The following LRRC8C variants were observed in gnomAD, a reference collection of about 807,000 sequenced individuals.
LRRC8C encodes the protein volume-regulated anion channel subunit LRRC8C.
A neutral mutation model predicts 55.3 loss-of-function variants in LRRC8C; 20 were observed. That is an observed-to-expected ratio of 0.36 (90% CI 0.25 to 0.53). The LOEUF (loss-of-function observed/expected upper bound fraction) is 0.53, where lower values mean the gene tolerates loss of function less well. Among genes scored for constraint, LRRC8C ranks in the 20% least tolerant of loss-of-function variants. The probability of loss-of-function intolerance (pLI) is 0.92; values close to 1 mark genes in which losing one functional copy is unlikely to be tolerated. For synonymous variants in LRRC8C, 376 were observed against 360.7 expected (o/e 1.04, Z -0.48); for missense variants, 659 against 951.4 (o/e 0.69, Z 4.04).
chr1:89,713,130 A>G lies in LRRC8C; in HGVS notation c.560A>G (p.Asp187Gly). ...EVSGEDSEEK[D>G]NRKNNMNRSN... Reference sequence around the variant, plus strand: ...TCTGGGGAGGACTCAGAAGAAAAGGACAACAGGAAGAACAACATGAACAGG... The same window carrying G: ...TCTGGGGAGGACTCAGAAGAAAAGGGCAACAGGAAGAACAACATGAACAGG... The change falls in exon 3 of 3, where the codon GAC (aspartate) becomes GGC (glycine). Residue 187 changes from aspartate (D) to glycine (G), a missense_variant. By Grantham distance (94) the Asp-to-Gly change is moderately conservative. This residue lies in a region of LRRC8C where 200 missense variants were observed against 360.5 expected (regional missense o/e 0.55). Coordinates refer to ENST00000370454, the MANE Select transcript of LRRC8C (RefSeq NM_032270.5). This position sits in a 1 kb window ranked among gnomAD's most constrained non-coding sequence, Gnocchi z 5.2. 6.2e-7 allele frequency: 1 copy of G among 1,614,204 alleles called. No homozygotes were observed. The highest frequency in any genetic ancestry group is 8.5e-7 in the Non-Finnish European group (1 of 1,180,036).
At chr1:89,710,622 C>A (rs1329690803) in intron 2 of LRRC8C, among the ~76,000 whole-genome samples, 1 of 152,190 alleles carries the variant, frequency 6.6e-6, no homozygotes, top group South Asian at 2.1e-4. Context: ...GTTGTTCTTA[C>A]CTGCATTCTT....
chr1:89,708,298 A>G (rs1443978085), intron 2 of LRRC8C, among the ~76,000 whole-genome samples: 2 of 152,134 alleles, frequency 1.3e-5, no homozygotes, highest in Admixed American at 1.3e-4. Context: ...GCGGTTGGGC[A>G]CTTTCTCCCT....
chr1:89,673,061 C>G (rs1455953864), intron 1 of LRRC8C, among the ~76,000 whole-genome samples: 1 of 152,180 alleles, frequency 6.6e-6, no homozygotes, highest in Non-Finnish European at 1.5e-5. Flanking sequence ...CCAAAGATCT[C>G]TCTTCTTTGA....
chr1:89,681,034 A>G (rs1255693813), intron 1 of LRRC8C, among the ~76,000 whole-genome samples: 1 of 152,250 alleles, frequency 6.6e-6, no homozygotes, highest in Non-Finnish European at 1.5e-5. Context: ...CCTTTGTAGC[A>G]AGTTGAAAAT....
intron 2 of LRRC8C, among the ~76,000 whole-genome samples, chr1:89,707,053 A>G (rs1431355222): frequency 6.6e-6 from 1 of 152,070 alleles, no homozygotes; most frequent in Non-Finnish European, 1.5e-5. Context: ...TTCTCCAAGG[A>G]CTTTAATTGG....
intron 2 of LRRC8C, among the ~76,000 whole-genome samples, chr1:89,689,702 A>G (rs943000454): frequency 2.6e-5 from 4 of 152,140 alleles, no homozygotes; most frequent in African/African-American, 9.7e-5. Context: ...ACACTTTGGG[A>G]GACCGAGGTG....
At chr1:89,640,056 A>G (rs1656411828) in intron 1 of LRRC8C, among the ~76,000 whole-genome samples, 1 of 152,174 alleles carries the variant, frequency 6.6e-6, no homozygotes, top group Non-Finnish European at 1.5e-5. Flanking sequence ...ACATCTTGTC[A>G]GTTCTCCTTA....
At chr1:89,624,629 C>T in the LRRC8C span, among the ~76,000 whole-genome samples, 1 of 152,200 alleles carries the variant, frequency 6.6e-6, no homozygotes, top group Non-Finnish European at 1.5e-5. Flanking sequence ...AAAACATCTA[C>T]CAAGAGGGCT....
intron 1 of LRRC8C, among the ~76,000 whole-genome samples, chr1:89,683,923 A>C (rs1487144966): frequency 6.6e-6 from 1 of 152,190 alleles, no homozygotes; most frequent in Non-Finnish European, 1.5e-5. Context: ...GCAGAAGCAG[A>C]TATATCTTCT....
At position 89,714,406 on chromosome 1, in the gene LRRC8C, C is replaced by T. The variant is rs1471028289; in HGVS notation, c.1836C>T (p.Leu612=). Residue 612 remains leucine, a synonymous_variant, in exon 3 of 3, where the codon CTC becomes CTT. Coordinates refer to ENST00000370454, the MANE Select transcript of LRRC8C (RefSeq NM_032270.5). The surrounding 1 kb of genome is among the most constrained non-coding windows in gnomAD (Gnocchi z 4.6). Reference sequence around the variant, plus strand: ...TTCCTCATGCTGTGTTCAGCCTACTCAGCCTCCAGGAATTGGACCTGAAGG... The same window carrying T: ...TTCCTCATGCTGTGTTCAGCCTACTTAGCCTCCAGGAATTGGACCTGAAGG... ...ERIPHAVFSL[L]SLQELDLKEN... is the part of the protein sequence containing the mutation. The T allele has an allele frequency of 6.2e-7, 1 of 1,614,128 alleles. No homozygotes were observed. The highest frequency in any genetic ancestry group is 8.5e-7 in the Non-Finnish European group (1 of 1,180,014).
intron 2 of LRRC8C, among the ~76,000 whole-genome samples, chr1:89,707,187 ACT>A (rs146193585): frequency 1 from 152,007 of 152,016 alleles, 75,999 homozygotes; most frequent in Middle Eastern, 1. Context: ...CGGGTGGATC[ACT>A]TGAGGTCAGG....
In LRRC8C at chr1:89,714,652, C is replaced by T; in HGVS notation, c.2082C>T (p.Asp694=). ...GATACTTGGACTTATCGTACAATGA[C>T]ATTCGATTTATCCCCCCTGAAATTG... ...KIRYLDLSYN[D]IRFIPPEIGV... The change falls in exon 3 of 3, where the codon GAC becomes GAT. Residue 694 remains aspartate (D), a synonymous_variant. Transcript: ENST00000370454. This position sits in a 1 kb window ranked among gnomAD's most constrained non-coding sequence, Gnocchi z 4.6. 6.2e-7 allele frequency: 1 copy of T among 1,614,140 alleles called. No individual in the cohort carries two copies. Among genetic ancestry groups the T allele is most frequent in the Non-Finnish European group, 8.5e-7 (1 of 1,179,986 alleles).
rs771955175 is a variant in LRRC8C at position 89,659,048 on chromosome 1, GT to G, written c.-5+25740del. 1.6e-3 allele frequency among the ~76,000 whole-genome samples: 43 copies of G among 26,228 alleles called. 1 individual carries two copies. Among genetic ancestry groups the G allele is most frequent in the African/African-American group, 3.9e-3 (37 of 9,484 alleles). 17.2% of individuals were successfully genotyped at this position (26,228 alleles called of 152,430 possible). A position where few individuals can be genotyped will look rare whatever the true frequency, so the allele number is the denominator to read the frequency against. ...AAATTTTAGGTTGTGTCTTCTCCAGGTTTTTTTTTTTTTTGTGTGTGTGTGT... is the reference window on the plus strand; with the variant it reads ...AAATTTTAGGTTGTGTCTTCTCCAGGTTTTTTTTTTTTTGTGTGTGTGTGT... On this transcript the variant is annotated intron_variant, in intron 1 of 2. Coordinates refer to ENST00000370454, the MANE Select transcript of LRRC8C (RefSeq NM_032270.5).
chr1:89,617,325 C>T, the LRRC8C span, among the ~76,000 whole-genome samples: 2 of 152,200 alleles, frequency 1.3e-5, no homozygotes, highest in African/African-American at 4.8e-5. Context: ...GAAATTAAAA[C>T]CACGGTTCAC....
Position 89,714,884 on chromosome 1 carries a change from G to A in LRRC8C, c.2314G>A (p.Gly772Ser). 2 of 1,614,100 alleles carry A rather than the reference G, an allele frequency of 1.2e-6. No individual in the cohort carries two copies. Among genetic ancestry groups the A allele is most frequent in the Non-Finnish European group, 1.7e-6 (2 of 1,179,990 alleles). Residue 772 changes from glycine to serine, a missense_variant, in exon 3 of 3, where the codon GGT becomes AGT. Around this residue, in one of 5 missense-constraint regions of LRRC8C, gnomAD observed 344 missense variants for 464.6 expected, o/e 0.74. Coordinates refer to ENST00000370454, the MANE Select transcript of LRRC8C (RefSeq NM_032270.5). This position sits in a 1 kb window ranked among gnomAD's most constrained non-coding sequence, Gnocchi z 4.6. Reference protein sequence around the residue: ...NHFEILPPELGDCRALKRAGL... With the variant: ...NHFEILPPELSDCRALKRAGL... Reference sequence around the variant, plus strand: ...CTTTGAAATCCTCCCTCCTGAACTGGGTGACTGTCGGGCTCTGAAGCGAGC... The same window carrying A: ...CTTTGAAATCCTCCCTCCTGAACTGAGTGACTGTCGGGCTCTGAAGCGAGC...
chr1:89,712,571 A>G (rs1352764066), intron 2 of LRRC8C, 138 bp from the exon 3 acceptor site: 1 of 635,900 alleles, frequency 1.6e-6, no homozygotes, highest in African/African-American at 1.8e-5. Context: ...TAAAATCTTG[A>G]TGCTGGAATT....
At chr1:89,658,320 G>A (rs747337581) in intron 1 of LRRC8C, among the ~76,000 whole-genome samples, 33 of 152,192 alleles carry the variant, frequency 2.2e-4, no homozygotes, top group Non-Finnish European at 3.5e-4. Context: ...CTAAGGGTCT[G>A]AAATATTAAC....
chr1:89,680,232 T>G (rs1315607219), intron 1 of LRRC8C, among the ~76,000 whole-genome samples: 1 of 151,984 alleles, frequency 6.6e-6, no homozygotes. Context: ...TACTCACCAC[T>G]ACGCCCGGCT....
chr1:89,655,108 CT>C (rs1235167889), intron 1 of LRRC8C, among the ~76,000 whole-genome samples: 1 of 152,024 alleles, frequency 6.6e-6, no homozygotes, highest in African/African-American at 2.4e-5. Flanking sequence ...TCCTTTCACT[CT>C]TTAGTTAATT....
Sources: gnomAD v4.1 joint callset for allele counts (sites outside exome capture counted in the v4.1 genomes callset) on GRCh38, gnomAD v4.1.1 for gene constraint, gnomAD v4.1.1 regional missense constraint, Gnocchi (gnomAD v3.1) non-coding constraint, MANE v1.5 for transcripts, NCBI Gene and HGNC (gene_info 2026-07-23, HGNC 2026-07-21) for gene names.